MED13: variants seen among roughly 807,000 people sequenced by gnomAD.
The protein encoded by MED13 is mediator complex subunit 13.
A neutral mutation model predicts 225.2 loss-of-function variants in MED13; 23 were observed. The ratio of observed to expected loss-of-function variants is 0.10; its 90% CI spans 0.07 to 0.14. The LOEUF is 0.14. Among genes scored for constraint, MED13 ranks in the 10% least tolerant of loss-of-function variants. MED13 has a pLI of 1.00. For synonymous variants in MED13, 942 were observed against 889.2 expected (o/e 1.06, Z -1.06); for missense variants, 2,197 against 2,594.5 (o/e 0.85, Z 3.33).
chr17:62,063,304 G>A lies in MED13; in HGVS notation c.67-3C>T, dbSNP rs1568010943. 1 of 1,596,294 alleles carries A rather than the reference G, an allele frequency of 6.3e-7. No individual in the cohort carries two copies. Among genetic ancestry groups the A allele is most frequent in the Non-Finnish European group, 8.6e-7 (1 of 1,166,266 alleles). On this transcript the variant is annotated splice_region_variant and splice_polypyrimidine_tract_variant and intron_variant, in intron 1 of 29. Transcript: ENST00000397786. Reference sequence around the variant, plus strand: ...CACTTAATTCCTGTCAAGTCAGCCTGAAGGAAAGAAAGCATTAAGTTTTAT... The same window carrying A: ...CACTTAATTCCTGTCAAGTCAGCCTAAAGGAAAGAAAGCATTAAGTTTTAT...
chr17:61,961,180 A>C, intron 22 of MED13, 90 bp from the exon 23 acceptor site: 3 of 1,130,996 alleles, frequency 2.7e-6, no homozygotes, highest in Non-Finnish European at 3.7e-6. Flanking sequence ...CCCAATTATA[A>C]GATAATTGGA....
rs372889393 is a variant in MED13 at position 62,019,202 on chromosome 17, A to G, written c.1284-7969T>C. ...CAATAGGCCGAATGCAGAAGCAGAT[A>G]TAAGAATTCAACTATCTTACTACAC... On this transcript the variant is annotated intron_variant, in intron 8 of 29. Coordinates refer to ENST00000397786, the MANE Select transcript of MED13 (RefSeq NM_005121.3). Among the ~76,000 whole-genome samples, 13 of 152,376 alleles carry G rather than the reference A, an allele frequency of 8.5e-5. No homozygotes were observed. The South Asian group carries it at 1.0e-3, about 12-fold the overall frequency.
At position 62,042,432 on chromosome 17, in the gene MED13, C is replaced by T. The variant is rs149410255; in HGVS notation, c.471-6824G>A. ...TAAAAATTAGCTGGGCATGGTGGCA[C>T]ACGCCTGTAGTCCCAGCTACTCGGG... On this transcript the variant is annotated intron_variant, in intron 3 of 29. Transcript: ENST00000397786. 1.8e-3 allele frequency among the ~76,000 whole-genome samples: 281 copies of T among 152,000 alleles called. 1 individual carries two copies. Among genetic ancestry groups the T allele is most frequent in the African/African-American group, 6.7e-3 (279 of 41,464 alleles).
chr17:61,996,501 C>T (rs796298621), intron 9 of MED13, among the ~76,000 whole-genome samples: 15 of 152,220 alleles, frequency 9.9e-5, no homozygotes, highest in African/African-American at 3.6e-4. Flanking sequence ...TTTTACTATT[C>T]TAGTCCTCTC....
At chr17:62,009,148 G>C (rs2080482725) in intron 9 of MED13, among the ~76,000 whole-genome samples, 1 of 152,100 alleles carries the variant, frequency 6.6e-6, no homozygotes, top group Non-Finnish European at 1.5e-5. Context: ...GAGCATAATG[G>C]TATTTTACTG....
At chr17:61,972,142 C>A (rs2080115592) in intron 17 of MED13, among the ~76,000 whole-genome samples, 1 of 152,076 alleles carries the variant, frequency 6.6e-6, no homozygotes, top group Non-Finnish European at 1.5e-5. Flanking sequence ...ACGTATCATT[C>A]CAAATATATC....
intron 9 of MED13, among the ~76,000 whole-genome samples, chr17:62,000,282 A>G (rs1223740970): frequency 2.6e-5 from 4 of 152,206 alleles, no homozygotes; most frequent in African/African-American, 9.6e-5. Flanking sequence ...TTCCACTATT[A>G]TAAATCCACT....
At chr17:61,952,718 CCTCTGCCTCCCAGGTTCAAGTGATTCT>C (rs2079907120) in intron 27 of MED13, among the ~76,000 whole-genome samples, 4 of 152,180 alleles carry the variant, frequency 2.6e-5, no homozygotes, top group African/African-American at 7.2e-5. Flanking sequence ...CTCACTACAA[CCTCTGCCTCCCAGGTTCAAGTGATTCT>C]CTTGCCTCAT....
At chr17:61,947,651 G>T (rs985778044) in intron 28 of MED13, among the ~76,000 whole-genome samples, 2 of 152,132 alleles carry the variant, frequency 1.3e-5, no homozygotes, top group East Asian at 1.9e-4. Flanking sequence ...GCTATCTTCG[G>T]TTGAACTGAG....
At chr17:61,970,973 C>A (rs1056170425) in intron 17 of MED13, among the ~76,000 whole-genome samples, 1 of 151,394 alleles carries the variant, frequency 6.6e-6, no homozygotes, top group Non-Finnish European at 1.5e-5. Flanking sequence ...TGCAGTGAGC[C>A]ATGATTGTGC....
intron 3 of MED13, among the ~76,000 whole-genome samples, chr17:62,043,422 A>G (rs1397624093): frequency 6.6e-6 from 1 of 152,148 alleles, no homozygotes; most frequent in African/African-American, 2.4e-5. Flanking sequence ...ATAAAAAGGC[A>G]CATCCAGTCT....
intron 9 of MED13, among the ~76,000 whole-genome samples, chr17:62,008,761 T>C (rs1181559440): frequency 6.6e-6 from 1 of 151,662 alleles, no homozygotes; most frequent in East Asian, 1.9e-4. Context: ...CCACTAGTTA[T>C]AAAAAATTGT....
rs943498689 is a variant in MED13 at position 62,013,071 on chromosome 17, G to A, written c.1284-1838C>T. On this transcript the variant is annotated intron_variant, in intron 8 of 29. Transcript: ENST00000397786. ...CTCCCAAAGTGCTGGGATTACAGGCGTGAGCCACTGCGCCCGGCCGAGACA... is the reference window on the plus strand; with the variant it reads ...CTCCCAAAGTGCTGGGATTACAGGCATGAGCCACTGCGCCCGGCCGAGACA... Among the ~76,000 whole-genome samples, 10 of 151,962 alleles carry A rather than the reference G, an allele frequency of 6.6e-5. No individual in the cohort carries two copies. The East Asian group carries it at 1.9e-3, about 29-fold the overall frequency.
chr17:61,995,202 C>G lies in MED13; in HGVS notation c.2131G>C (p.Asp711His), dbSNP rs749776983. The change falls in exon 10 of 30, where the codon GAT (aspartate) becomes CAT (histidine). Residue 711 changes from aspartate to histidine, a missense_variant. Physicochemically the swap from Asp to His is moderately conservative, Grantham distance 81. This residue lies in a region of MED13 where 884 missense variants were observed against 918.5 expected (regional missense o/e 0.96). Transcript: ENST00000397786. The part of the protein sequence containing the change: ...VEGDEEFLFP[D>H]KKDRQNSERE... The stretch of plus-strand genomic sequence containing the variant: ...TCACTATTTTGTCTATCTTTTTTAT[C>G]AGGAAAAAGGAATTCCTCATCTCCT... The G allele has an allele frequency of 2.5e-6, 4 of 1,613,396 alleles. No homozygotes were observed. Among genetic ancestry groups the G allele is most frequent in the Non-Finnish European group, 3.4e-6 (4 of 1,179,840 alleles).
At chr17:62,063,737 T>C (rs1358720719) in intron 1 of MED13, among the ~76,000 whole-genome samples, 2 of 152,192 alleles carry the variant, frequency 1.3e-5, no homozygotes, top group Admixed American at 6.5e-5. Flanking sequence ...TGAAAAGACA[T>C]CTGAACAAGT....
At chr17:62,035,349 A>G (rs2080793129) in intron 4 of MED13, 114 bp downstream of exon 4, 2 of 925,498 alleles carry the variant, frequency 2.2e-6, no homozygotes, top group East Asian at 5.4e-5. Flanking sequence ...CATCAAAATC[A>G]TCATTAGGCT....
intron 9 of MED13, chr17:62,007,474 G>A (rs1199722763): frequency 6.6e-6 from 1 of 152,158 alleles, no homozygotes; most frequent in African/African-American, 2.4e-5. Flanking sequence ...AATCATGGAA[G>A]TTTTAAAAAG....
rs1467852018 is a variant in MED13 at position 61,945,403 on chromosome 17, T to C, written c.*1065A>G. On this transcript the variant is annotated 3_prime_UTR_variant, in exon 30 of 30. Coordinates refer to ENST00000397786, the MANE Select transcript of MED13 (RefSeq NM_005121.3). ...AATAAATTTCATAATAATATTTCCA[T>C]GCCTAAATATGCCACTGTTAAAACT... 1 of 152,640 alleles carries C rather than the reference T, an allele frequency of 6.6e-6. No individual in the cohort carries two copies. Among genetic ancestry groups the C allele is most frequent in the Non-Finnish European group, 1.5e-5 (1 of 68,042 alleles). The allele number at this position is 152,640 out of a possible 1,614,324, so 9.5% of individuals were successfully genotyped here. A position where few individuals can be genotyped will look rare whatever the true frequency, so the allele number is the denominator to read the frequency against.
intron 8 of MED13, among the ~76,000 whole-genome samples, chr17:62,019,948 G>A (rs560597100): frequency 6.6e-5 from 10 of 152,030 alleles, no homozygotes; most frequent in Admixed American, 2.0e-4. Flanking sequence ...GTTTCACTGC[G>A]TTAGCCAGGA....
Sources: gnomAD v4.1 joint callset for allele counts (sites outside exome capture counted in the v4.1 genomes callset) on GRCh38, gnomAD v4.1.1 for gene constraint, gnomAD v4.1.1 regional missense constraint, MANE v1.5 for transcripts, NCBI Gene and HGNC (gene_info 2026-07-23, HGNC 2026-07-21) for gene names.